The following LOXHD1 variants were observed in gnomAD, a reference collection of about 807,000 sequenced individuals.
LOXHD1 encodes lipoxygenase homology PLAT domains 1.
A neutral mutation model predicts 248.2 loss-of-function variants in LOXHD1; 205 were observed. The ratio of observed to expected loss-of-function variants is 0.83; its 90% CI spans 0.74 to 0.93. The LOEUF is 0.93. Among genes scored for constraint, LOXHD1 ranks in the 40% least tolerant of loss-of-function variants. LOXHD1 has a pLI of 0.00. For missense variants in LOXHD1, 2,930 were observed against 2,971.6 expected, an observed-to-expected ratio of 0.99 and a Z score of 0.33; for synonymous variants, 1,113 against 1,162.8, an observed-to-expected ratio of 0.96 and a Z score of 0.87.
intron 35 of LOXHD1, among the ~76,000 whole-genome samples, chr18:46,508,626 C>A (rs2034740787): frequency 6.6e-6 from 1 of 152,226 alleles, no homozygotes; most frequent in South Asian, 2.1e-4. Context: ...TGTTATGCTG[C>A]CTGAGACTAT....
At chr18:46,646,421 A>G (rs963948863) in intron 2 of LOXHD1, among the ~76,000 whole-genome samples, 31 of 152,274 alleles carry the variant, frequency 2.0e-4, no homozygotes, top group African/African-American at 7.5e-4. Context: ...AGCAAGGACC[A>G]TGTCCTTCAA....
intron 6 of LOXHD1, among the ~76,000 whole-genome samples, chr18:46,607,824 A>G (rs2038441054): frequency 6.6e-6 from 1 of 152,134 alleles, no homozygotes; most frequent in South Asian, 2.1e-4. Context: ...AAGGTAGAGA[A>G]TGGAAATCCA....
In LOXHD1 at chr18:46,545,370, G is replaced by A. The variant is rs192712470; in HGVS notation, c.3566C>T (p.Ala1189Val). The A allele has an allele frequency of 8.4e-6, 13 of 1,551,982 alleles. No homozygotes were observed. Among genetic ancestry groups the A allele is most frequent in the African/African-American group, 2.7e-5 (2 of 73,114 alleles). The change falls in exon 23 of 41, where the codon GCG (alanine) becomes GTG (valine). Residue 1189 changes from alanine to valine, a missense_variant. Transcript: ENST00000642948. ...GATGAAGACATTAGCATCTGTGCCCGCATTCTTCTTAACCCCAGTCTTTAT... is the reference window on the plus strand; with the variant it reads ...GATGAAGACATTAGCATCTGTGCCCACATTCTTCTTAACCCCAGTCTTTAT... ...VTIKTGVKKN[A>V]GTDANVFITL...
At chr18:46,479,006 C>T (rs1326872589) in intron 40 of LOXHD1, among the ~76,000 whole-genome samples, 1 of 152,108 alleles carries the variant, frequency 6.6e-6, no homozygotes, top group Non-Finnish European at 1.5e-5. Context: ...CTGTGCTTTC[C>T]TTTCTCACCT....
At chr18:46,618,315 C>T in intron 4 of LOXHD1, 25 bp from the exon 5 acceptor site, 2 of 1,490,444 alleles carry the variant, frequency 1.3e-6, no homozygotes, top group Admixed American at 2.0e-5. Flanking sequence ...AGAGAAAAAC[C>T]TTAGCTCATC....
At chr18:46,611,589 G>T (rs2038509179) in intron 5 of LOXHD1, among the ~76,000 whole-genome samples, 1 of 151,920 alleles carries the variant, frequency 6.6e-6, no homozygotes, top group South Asian at 2.1e-4. Flanking sequence ...TCTTATCTAG[G>T]CACCAATTTT....
chr18:46,569,092 C>T (rs1217806898), intron 16 of LOXHD1, among the ~76,000 whole-genome samples: 3 of 97,422 alleles, frequency 3.1e-5, no homozygotes, highest in East Asian at 3.4e-4. Context: ...TCCTTCCCTG[C>T]GTTCAGTCTC....
intron 16 of LOXHD1, among the ~76,000 whole-genome samples, chr18:46,567,350 T>G (rs573402343): frequency 6.6e-6 from 1 of 152,382 alleles, no homozygotes; most frequent in Non-Finnish European, 1.5e-5. Flanking sequence ...CTTGCTCTTC[T>G]GAGTCCTAAG....
chr18:46,569,379 C>T (rs779676809), intron 16 of LOXHD1, 63 bp downstream of exon 16: 32 of 1,351,234 alleles, frequency 2.4e-5, no homozygotes, highest in South Asian at 4.0e-5. Context: ...TGTGTGGACA[C>T]GTGTGAATGT....
chr18:46,537,734 A>C (rs1294825596), intron 26 of LOXHD1, among the ~76,000 whole-genome samples: 2 of 152,200 alleles, frequency 1.3e-5, no homozygotes, highest in African/African-American at 4.8e-5. Flanking sequence ...ATAGCTTGAG[A>C]GCTGAGCAGG....
intron 29 of LOXHD1, among the ~76,000 whole-genome samples, chr18:46,526,665 T>A (rs1382696154): frequency 6.6e-6 from 1 of 152,148 alleles, no homozygotes; most frequent in Non-Finnish European, 1.5e-5. Context: ...CTGGGACCCA[T>A]GGGGAGCCTT....
Position 46,551,579 on chromosome 18 carries a change from T to TA in LOXHD1, c.3351-4522dup, listed in dbSNP as rs936657767. Among the ~76,000 whole-genome samples the TA allele has an allele frequency of 5.6e-4, 85 of 152,080 alleles. 2 individuals carry two copies. The highest frequency in any genetic ancestry group is 2.1e-4 in the South Asian group (1 of 4,816). ...ATTCTAAATATGACATCACTATTAATAAAAAAAATCAATCTAGTGCCTTTG... is the reference window on the plus strand; with the variant it reads ...ATTCTAAATATGACATCACTATTAATAAAAAAAAATCAATCTAGTGCCTTTG... On this transcript the variant is annotated intron_variant, in intron 21 of 40. Transcript: ENST00000642948.
At chr18:46,641,622 A>T (rs898132924) in intron 3 of LOXHD1, among the ~76,000 whole-genome samples, 13 of 152,208 alleles carry the variant, frequency 8.5e-5, no homozygotes, top group African/African-American at 3.1e-4. Context: ...TAACCTGTCC[A>T]AAGTGGCACA....
intron 28 of LOXHD1, among the ~76,000 whole-genome samples, chr18:46,532,582 G>C (rs954311766): frequency 9.9e-6 from 1 of 101,354 alleles, no homozygotes; most frequent in Non-Finnish European, 2.2e-5. Flanking sequence ...GAAGTACAAG[G>C]AGTGGCCAGT....
At chr18:46,635,813 A>G (rs762320712) in intron 4 of LOXHD1, among the ~76,000 whole-genome samples, 5 of 152,224 alleles carry the variant, frequency 3.3e-5, no homozygotes, top group Non-Finnish European at 7.3e-5. Context: ...GTAGTAATTA[A>G]TAATGCAAGC....
At chr18:46,491,397 C>T (rs72909370) in intron 37 of LOXHD1, among the ~76,000 whole-genome samples, 89 of 152,278 alleles carry the variant, frequency 5.8e-4, no homozygotes, top group Non-Finnish European at 1.1e-3. Flanking sequence ...ATTCAGTTTG[C>T]GGTGGGGTCC....
intron 12 of LOXHD1, among the ~76,000 whole-genome samples, chr18:46,582,934 GA>G (rs1294883095): frequency 1.3e-5 from 2 of 152,166 alleles, no homozygotes; most frequent in Non-Finnish European, 2.9e-5. Flanking sequence ...CAGTGTTAAG[GA>G]AGGCTTTCTT....
intron 4 of LOXHD1, among the ~76,000 whole-genome samples, chr18:46,621,019 A>C (rs1024166939): frequency 6.6e-5 from 10 of 152,166 alleles, no homozygotes; most frequent in Admixed American, 5.9e-4. Flanking sequence ...GGTGGAAAGG[A>C]GCTTCTAGGC....
intron 2 of LOXHD1, among the ~76,000 whole-genome samples, chr18:46,646,768 C>T (rs1325742070): frequency 2.6e-5 from 4 of 152,200 alleles, no homozygotes; most frequent in Non-Finnish European, 5.9e-5. Flanking sequence ...TTATTTTCAC[C>T]ACTTAAGACC....
Sources: gnomAD v4.1 joint callset for allele counts (sites outside exome capture counted in the v4.1 genomes callset) on GRCh38, gnomAD v4.1.1 for gene constraint, MANE v1.5 for transcripts, NCBI Gene and HGNC (gene_info 2026-07-23, HGNC 2026-07-21) for gene names.